NREP: variants seen among roughly 807,000 people sequenced by gnomAD.
The protein encoded by NREP is neuronal regeneration related protein, also known as neuronal regeneration-related protein.
Under a neutral mutation model 8.6 loss-of-function variants are expected in NREP, and 5 were observed. The ratio of observed to expected loss-of-function variants is 0.58; its 90% CI spans 0.30 to 1.22. The LOEUF (loss-of-function observed/expected upper bound fraction) is 1.22. Among genes scored for constraint, NREP ranks in the 50% most tolerant of loss-of-function variants. NREP has a pLI of 0.07. For synonymous variants in NREP, 27 were observed against 28.0 expected, an observed-to-expected ratio of 0.96 and a Z score of 0.11; for missense variants, 86 against 82.5, an observed-to-expected ratio of 1.04 and a Z score of -0.17.
At chr5:111,788,482 G>T (rs1186916348) in intron 2 of NREP, among the ~76,000 whole-genome samples, 1 of 152,130 alleles carries the variant, frequency 6.6e-6, no homozygotes, top group Non-Finnish European at 1.5e-5. Context: ...GGAACAATGA[G>T]AAATCCATAA....
chr5:111,934,785 C>A (rs567783767), intron 2 of NREP, among the ~76,000 whole-genome samples: 2 of 152,044 alleles, frequency 1.3e-5, no homozygotes, highest in African/African-American at 4.8e-5. Context: ...AGCAGCCTGG[C>A]GGCAACAAGC....
At chr5:111,806,201 T>C (rs1752137414) in intron 2 of NREP, among the ~76,000 whole-genome samples, 1 of 152,170 alleles carries the variant, frequency 6.6e-6, no homozygotes, top group Non-Finnish European at 1.5e-5. Context: ...TAGCTGTGTG[T>C]GTCTCTACCC....
At chr5:111,813,887 C>T (rs868368260) in intron 2 of NREP, among the ~76,000 whole-genome samples, 2 of 152,020 alleles carry the variant, frequency 1.3e-5, no homozygotes, top group African/African-American at 2.4e-5. Context: ...ATACTATATT[C>T]CAGATTCCAA....
At chr5:111,920,559 AG>A (rs1755209214) in intron 2 of NREP, among the ~76,000 whole-genome samples, 1 of 152,166 alleles carries the variant, frequency 6.6e-6, no homozygotes, top group African/African-American at 2.4e-5. Context: ...AATAAGCAAA[AG>A]GAAGAAAAAT....
chr5:111,909,043 A>G (rs1754843891), intron 2 of NREP, among the ~76,000 whole-genome samples: 1 of 151,960 alleles, frequency 6.6e-6, no homozygotes, highest in African/African-American at 2.4e-5. Flanking sequence ...AAGTGTCTGT[A>G]CATGTCTTTT....
chr5:111,885,213 C>A (rs1238751256), intron 2 of NREP, among the ~76,000 whole-genome samples: 1 of 150,562 alleles, frequency 6.6e-6, no homozygotes, highest in African/African-American at 2.4e-5. Context: ...CATGAGTGAA[C>A]TCCCATTCAC....
chr5:111,869,288 T>C (rs1303224766), intron 2 of NREP, among the ~76,000 whole-genome samples: 1 of 152,188 alleles, frequency 6.6e-6, no homozygotes, highest in Admixed American at 6.5e-5. Context: ...ATCTGCTCAG[T>C]GGGAGAGTAA....
chr5:111,789,468 G>T (rs1211983038), intron 2 of NREP, among the ~76,000 whole-genome samples: 1 of 152,178 alleles, frequency 6.6e-6, no homozygotes, highest in Non-Finnish European at 1.5e-5. Context: ...AGTGCCGCAT[G>T]TACATTTTAT....
At chr5:111,755,912 A>T (rs940775960) in intron 1 of NREP, 82 bp from the exon 2 acceptor site, 3 of 1,568,968 alleles carry the variant, frequency 1.9e-6, no homozygotes, top group Non-Finnish European at 1.7e-6. Context: ...GAGGTTACAG[A>T]CGAATAACCA....
chr5:111,855,393 T>G (rs933078412), intron 2 of NREP, among the ~76,000 whole-genome samples: 3 of 152,176 alleles, frequency 2.0e-5, no homozygotes, highest in Non-Finnish European at 2.9e-5. Flanking sequence ...CAATGTTAGC[T>G]CTAATCACTA....
intron 2 of NREP, among the ~76,000 whole-genome samples, chr5:111,813,589 A>T (rs1752316939): frequency 6.6e-6 from 1 of 152,090 alleles, no homozygotes; most frequent in African/African-American, 2.4e-5. Flanking sequence ...AGTCTTCAAA[A>T]ATTTTTATAA....
intron 2 of NREP, among the ~76,000 whole-genome samples, chr5:111,825,285 GCAAAGTGCTCATTGT>G (rs1752596904): frequency 6.6e-6 from 1 of 152,100 alleles, no homozygotes; most frequent in African/African-American, 2.4e-5. Context: ...TCATATCAAA[GCAAAGTGCTCATTGT>G]TTCTACCTCT....
At chr5:111,779,215 T>C (rs1751433270) in intron 2 of NREP, among the ~76,000 whole-genome samples, 1 of 152,184 alleles carries the variant, frequency 6.6e-6, no homozygotes, top group Non-Finnish European at 1.5e-5. Flanking sequence ...GCTGTGTTGT[T>C]GGGCTATCTC....
At chr5:111,832,613 C>A (rs1311716007) in intron 2 of NREP, among the ~76,000 whole-genome samples, 1 of 152,160 alleles carries the variant, frequency 6.6e-6, no homozygotes, top group African/African-American at 2.4e-5. Context: ...ATAACCATTG[C>A]AAGCACTTTA....
At chr5:111,743,171 G>A (rs1749788636) in intron 2 of NREP, among the ~76,000 whole-genome samples, 1 of 151,558 alleles carries the variant, frequency 6.6e-6, no homozygotes, top group African/African-American at 2.4e-5. Context: ...AAATAAAGCA[G>A]CCTTTTTAAA....
intron 2 of NREP, among the ~76,000 whole-genome samples, chr5:111,895,086 T>G (rs1167081553): frequency 6.6e-6 from 1 of 152,236 alleles, no homozygotes; most frequent in Non-Finnish European, 1.5e-5. Flanking sequence ...ACAAAATAGT[T>G]GTTTTAATTT....
intron 2 of NREP, among the ~76,000 whole-genome samples, chr5:111,764,175 T>C (rs993728587): frequency 1.3e-5 from 2 of 152,198 alleles, no homozygotes; most frequent in Admixed American, 6.5e-5. Flanking sequence ...GCCTGCAGCA[T>C]CCAGGGTTAT....
chr5:111,952,212 G>T (rs535340007), intron 2 of NREP, among the ~76,000 whole-genome samples: 1 of 152,070 alleles, frequency 6.6e-6, no homozygotes, highest in Non-Finnish European at 1.5e-5. Flanking sequence ...TTCAACATGG[G>T]ACACCTGGTC....
chr5:111,788,395 T>A (rs536529702), intron 2 of NREP, among the ~76,000 whole-genome samples: 1 of 152,332 alleles, frequency 6.6e-6, no homozygotes, highest in South Asian at 2.1e-4. Flanking sequence ...TTTGTGTGCA[T>A]ATATATGTGG....
Sources: gnomAD v4.1 joint callset for allele counts (sites outside exome capture counted in the v4.1 genomes callset) on GRCh38, gnomAD v4.1.1 for gene constraint, MANE v1.5 for transcripts, NCBI Gene and HGNC (gene_info 2026-07-23, HGNC 2026-07-21) for gene names.